Variants in OXNAD1 observed in about 807,000 individuals in gnomAD.
The protein encoded by OXNAD1 is oxidoreductase NAD-binding domain-containing protein 1.
In OXNAD1, 34 loss-of-function variants were observed where a neutral mutation model predicts 32.9. The ratio of observed to expected loss-of-function variants is 1.03; its 90% CI spans 0.79 to 1.38. The LOEUF (loss-of-function observed/expected upper bound fraction) is 1.38, where lower values mean the gene tolerates loss of function less well. OXNAD1 is among the 40% of genes most tolerant of loss of function. The probability of loss-of-function intolerance (pLI) is 0.00; values close to 1 mark genes in which losing one functional copy is unlikely to be tolerated. For synonymous variants in OXNAD1, 134 were observed against 135.2 expected (o/e 0.99, Z 0.06); for missense variants, 407 against 379.4 (o/e 1.07, Z -0.60).
At chr3:16,319,700 A>C (rs1451069284) in intron 9 of OXNAD1, among the ~76,000 whole-genome samples, 3 of 152,190 alleles carry the variant, frequency 2.0e-5, no homozygotes, top group African/African-American at 7.2e-5. Context: ...TGATCTGCTG[A>C]TATAATACAA....
intron 4 of OXNAD1, chr3:16,272,228 AT>A: frequency 2.3e-6 from 1 of 432,880 alleles, no homozygotes. Flanking sequence ...TAATGTACAG[AT>A]TTTTTCCACC....
chr3:16,300,130 C>G (rs1251181081), intron 6 of OXNAD1, among the ~76,000 whole-genome samples: 1 of 152,164 alleles, frequency 6.6e-6, no homozygotes, highest in Non-Finnish European at 1.5e-5. Context: ...GGATTACCAA[C>G]TCGGTCAGAT....
At chr3:16,338,549 T>G (rs1269843087), downstream of OXNAD1, among the ~76,000 whole-genome samples, 2 of 152,242 alleles carry the variant, frequency 1.3e-5, no homozygotes, top group Admixed American at 1.3e-4. This position sits in a 1 kb window ranked among gnomAD's most constrained non-coding sequence, Gnocchi z 5.3. Context: ...CCAGGCCAAC[T>G]TAGAAATAGC....
At position 16,301,598 on chromosome 3, in the gene OXNAD1, CT is replaced by C. The variant is rs766646369; in HGVS notation, c.433-27del. On this transcript the variant is annotated intron_variant, in intron 6 of 8. Transcript: ENST00000285083. This position sits in a 1 kb window ranked among gnomAD's most constrained non-coding sequence, Gnocchi z 4.1. ...GGTTTAAGACCTTTGCTACAAAAGA[CT>C]AAAAGGTCTTTTCTTTCCTGCCTTA... is the stretch of plus-strand genomic sequence containing the variant. The C allele has an allele frequency of 6.2e-6, 10 of 1,612,270 alleles. No individual in the cohort carries two copies. In the Admixed American group the frequency reaches 1.5e-4, roughly 24 times the overall value.
chr3:16,323,529 C>A, intron 9 of OXNAD1: 1 of 1,093,310 alleles, frequency 9.1e-7, no homozygotes, highest in South Asian at 1.3e-5. Context: ...CAGATGTTGC[C>A]ATCCCTAATT....
chr3:16,303,704 TAAAAG>T lies in OXNAD1; in HGVS notation c.*143_*147del. On this transcript the variant is annotated 3_prime_UTR_variant, in exon 9 of 9. Transcript: ENST00000285083. The surrounding 1 kb of genome is among the most constrained non-coding windows in gnomAD (Gnocchi z 4.8). The stretch of plus-strand genomic sequence containing the variant: ...ATAAACTTAGTGACCAGCTGGATAA[TAAAAG>T]CCAGCTGGCAGACTTAAATGATAAA... 6 of 898,590 alleles carry T rather than the reference TAAAAG, an allele frequency of 6.7e-6. No individual in the cohort carries two copies. The highest frequency in any genetic ancestry group is 9.4e-6 in the Non-Finnish European group (6 of 637,006). 55.7% of individuals were successfully genotyped at this position (898,590 alleles called of 1,614,324 possible).
intron 1 of OXNAD1, among the ~76,000 whole-genome samples, chr3:16,266,649 T>G (rs910307380): frequency 6.8e-6 from 1 of 147,068 alleles, no homozygotes; most frequent in African/African-American, 2.5e-5. Flanking sequence ...AATTGTATAA[T>G]GCAAACTATA....
rs971699564 is a variant in OXNAD1 at position 16,336,371 on chromosome 3, G to A, written c.*31-741G>A. 6.6e-6 allele frequency among the ~76,000 whole-genome samples: 1 copy of A among 152,206 alleles called. No homozygotes were observed. The highest frequency in any genetic ancestry group is 2.4e-5 in the African/African-American group (1 of 41,454). ...GTTCCCATCCAGTGGAGCCCATGGA[G>A]GTGAGGTGGAGGGAGGGAGAAGGGA... On this transcript the variant is annotated intron_variant, in intron 9 of 9. Transcript: ENST00000435829. The surrounding 1 kb of genome is among the most constrained non-coding windows in gnomAD (Gnocchi z 6.0).
intron 1 of OXNAD1, among the ~76,000 whole-genome samples, chr3:16,267,871 T>C (rs1338061344): frequency 3.3e-5 from 5 of 152,250 alleles, no homozygotes; most frequent in African/African-American, 1.2e-4. Flanking sequence ...ACTGAAACCA[T>C]ATAATTAATC....
At position 16,345,836 on chromosome 3, in the gene OXNAD1, ACGCG is replaced by A. The variant is rs1491500683; in HGVS notation, c.*31-3338_*31-3335del. On this transcript the variant is annotated intron_variant, in intron 9 of 9. Coordinates refer to the OXNAD1 transcript ENST00000606098. The surrounding 1 kb of genome is among the most constrained non-coding windows in gnomAD (Gnocchi z 5.2). ...TGTGTGTGCGCGCGCGCGTGCGCGC[ACGCG>A]CACATGTGCATGTGTATGTGTATAA... Among the ~76,000 whole-genome samples, 15 of 63,586 alleles carry A rather than the reference ACGCG, an allele frequency of 2.4e-4. No individual in the cohort carries two copies. The highest frequency in any genetic ancestry group is 5.5e-4 in the African/African-American group (13 of 23,484). The allele number at this position is 63,586 out of a possible 152,430, so 41.7% of individuals were successfully genotyped here.
rs2071376392 is a variant in OXNAD1, at chr3:16,342,406, T to C, written c.*31-6770T>C. Among the ~76,000 whole-genome samples, 1 of 152,258 alleles carries C rather than the reference T, an allele frequency of 6.6e-6. No individual in the cohort carries two copies. Among genetic ancestry groups the C allele is most frequent in the African/African-American group, 2.4e-5 (1 of 41,466 alleles). Reference sequence around the variant, plus strand: ...TATTGCAAAATAATATTCCATCATATGGATATACCATAGTTTATTCATCAT... The same window carrying C: ...TATTGCAAAATAATATTCCATCATACGGATATACCATAGTTTATTCATCAT... On this transcript the variant is annotated intron_variant, in intron 9 of 9. Transcript: ENST00000606098. The surrounding 1 kb of genome is among the most constrained non-coding windows in gnomAD (Gnocchi z 4.0).
intron 9 of OXNAD1, among the ~76,000 whole-genome samples, chr3:16,331,120 G>A (rs1191735932): frequency 2.6e-5 from 4 of 152,232 alleles, no homozygotes; most frequent in Admixed American, 6.5e-5. Context: ...ACTGGGGACA[G>A]TTTGCCTCTA....
At chr3:16,278,174 A>T (rs2065480910) in intron 4 of OXNAD1, among the ~76,000 whole-genome samples, 1 of 152,254 alleles carries the variant, frequency 6.6e-6, no homozygotes. Flanking sequence ...TCCTGGGGTT[A>T]CAGCATTGAA....
At chr3:16,328,059 T>C (rs1472409700) in intron 9 of OXNAD1, among the ~76,000 whole-genome samples, 1 of 152,204 alleles carries the variant, frequency 6.6e-6, no homozygotes, top group Non-Finnish European at 1.5e-5. Context: ...TCAGGTACTC[T>C]AGAGCCATGA....
chr3:16,339,713 G>C (rs1180439111), downstream of OXNAD1: 1 of 152,184 alleles, frequency 6.6e-6, no homozygotes, highest in Non-Finnish European at 1.5e-5. Context: ...TCCACATATT[G>C]ATCATGACTT....
downstream of OXNAD1, among the ~76,000 whole-genome samples, chr3:16,337,971 T>C (rs147518081): frequency 0.032 from 4,858 of 152,198 alleles, 126 homozygotes; most frequent in Middle Eastern, 0.082. This position sits in a 1 kb window ranked among gnomAD's most constrained non-coding sequence, Gnocchi z 5.0. Flanking sequence ...CAGCTTGCCC[T>C]GGAAGAGAGA....
intron 9 of OXNAD1, chr3:16,326,893 A>AGCATTAGG: frequency 6.2e-7 from 1 of 1,600,938 alleles, no homozygotes; most frequent in African/African-American, 1.3e-5. Flanking sequence ...GAACAAGGCC[A>AGCATTAGG]GCATTAGGGC....
intron 1 of OXNAD1, among the ~76,000 whole-genome samples, chr3:16,267,130 T>C (rs2064578048): frequency 6.6e-6 from 1 of 152,228 alleles, no homozygotes; most frequent in South Asian, 2.1e-4. Context: ...TCTGTCAGTG[T>C]CCTCTCACAC....
chr3:16,268,313 C>CTTTTTTTTTTTTTTTTTT (rs531751365), intron 1 of OXNAD1, among the ~76,000 whole-genome samples: 2 of 60,926 alleles, frequency 3.3e-5, no homozygotes, highest in African/African-American at 4.9e-5. Context: ...AAGAGAACTC[C>CTTTTTTTTTTTTTTTTTT]TTTTTTTTTT....
Sources: allele counts gnomAD v4.1 joint callset (sites outside exome capture counted in the v4.1 genomes callset), GRCh38; gene constraint gnomAD v4.1.1; non-coding constraint Gnocchi (gnomAD v3.1); transcripts MANE v1.5; gene names NCBI Gene and HGNC (gene_info 2026-07-23, HGNC 2026-07-21).